Variants in DOCK1 observed in about 807,000 individuals in gnomAD.
DOCK1 encodes the protein dedicator of cytokinesis 1.
In DOCK1, 138 loss-of-function variants were observed where a neutral mutation model predicts 262.7. The observed-to-expected ratio is 0.53, with a 90% CI of 0.46 to 0.61. The LOEUF (loss-of-function observed/expected upper bound fraction) is 0.61. DOCK1 is among the 20% of genes least tolerant of loss of function. The probability of loss-of-function intolerance (pLI) is 0.00; values close to 1 mark genes in which losing one functional copy is unlikely to be tolerated. For missense variants in DOCK1, 1,908 were observed against 2,370.7 expected, an observed-to-expected ratio of 0.80 and a Z score of 4.05; for synonymous variants, 866 against 867.4, an observed-to-expected ratio of 1.00 and a Z score of 0.03.
rs1279908459 is a variant in DOCK1, at chr10:127,444,126, A to G, written c.5260A>G (p.Ile1754Val). ...TGCTCTTTCTGTCCTTTTGATGTAG[A>G]TAAGTCCCCTGCGGCCCCAGAGACC... Reference protein sequence around the residue: ...QSEAVILSETISPLRPQRPKS... With the variant: ...QSEAVILSETVSPLRPQRPKS... Residue 1754 changes from isoleucine to valine, a missense_variant and splice_region_variant, in exon 50 of 52, where the codon ATA (isoleucine) becomes GTA (valine). Around this residue, in one of 9 missense-constraint regions of DOCK1, gnomAD observed 383 missense variants for 420.1 expected, o/e 0.91. Transcript: ENST00000623213. 3.9e-6 allele frequency: 6 copies of G among 1,556,832 alleles called. No homozygotes were observed. Among genetic ancestry groups the G allele is most frequent in the East Asian group, 4.9e-5 (2 of 41,022 alleles).
At chr10:127,059,184 T>G (rs576934684) in intron 22 of DOCK1, among the ~76,000 whole-genome samples, 1 of 152,342 alleles carries the variant, frequency 6.6e-6, no homozygotes, top group East Asian at 1.9e-4. Context: ...AGACTTACTG[T>G]TACATCTTTG....
chr10:127,146,007 G>A (rs1349427940), intron 27 of DOCK1: 1 of 517,630 alleles, frequency 1.9e-6, no homozygotes, highest in Non-Finnish European at 3.9e-6. Context: ...GAATTCCCTA[G>A]TCACTCTATT....
intron 29 of DOCK1, among the ~76,000 whole-genome samples, chr10:127,263,421 C>G (rs192227872): frequency 9.2e-5 from 14 of 152,350 alleles, no homozygotes; most frequent in Admixed American, 7.2e-4. Flanking sequence ...AATGACTATC[C>G]CAAAGTACGG....
chr10:127,392,376 G>T (rs895812589), intron 38 of DOCK1, among the ~76,000 whole-genome samples: 1 of 152,160 alleles, frequency 6.6e-6, no homozygotes, highest in Non-Finnish European at 1.5e-5. Context: ...GGCAGTGGCT[G>T]TGGCTGCCAC....
chr10:127,116,028 A>G (rs985098617), intron 25 of DOCK1, among the ~76,000 whole-genome samples: 1 of 152,214 alleles, frequency 6.6e-6, no homozygotes, highest in African/African-American at 2.4e-5. Flanking sequence ...TTTTAGTGGT[A>G]AGGCTACCCC....
At chr10:126,953,952 C>G (rs1235757746) in intron 1 of DOCK1, among the ~76,000 whole-genome samples, 1 of 152,144 alleles carries the variant, frequency 6.6e-6, no homozygotes, top group Non-Finnish European at 1.5e-5. Context: ...TTTAAAACTT[C>G]CGAGTGGTCC....
chr10:127,011,517 CTGTGCTACA>C (rs1250796378), intron 11 of DOCK1, among the ~76,000 whole-genome samples: 2 of 152,222 alleles, frequency 1.3e-5, no homozygotes, highest in Admixed American at 1.3e-4. Context: ...GTGCACTTCG[CTGTGCTACA>C]TGGTATTTCT....
chr10:127,319,286 C>G (rs1042822258), intron 29 of DOCK1, among the ~76,000 whole-genome samples: 14 of 152,102 alleles, frequency 9.2e-5, no homozygotes, highest in African/African-American at 2.2e-4. Context: ...ATTTCCGTAG[C>G]AGGGGAACTA....
Position 127,012,424 on chromosome 10 carries a change from G to C in DOCK1, c.1201+50G>C. On this transcript the variant is annotated intron_variant, in intron 12 of 51. Coordinates refer to ENST00000623213, the MANE Select transcript of DOCK1 (RefSeq NM_001290223.2). The surrounding 1 kb of genome is among the most constrained non-coding windows in gnomAD (Gnocchi z 4.0). ...TATCAGCGTGTATTTGCATGCGTTGGGGCAGTGCTGTCTGGGTTGGTTTTA... is the reference window on the plus strand; with the variant it reads ...TATCAGCGTGTATTTGCATGCGTTGCGGCAGTGCTGTCTGGGTTGGTTTTA... The C allele has an allele frequency of 6.4e-7, 1 of 1,563,698 alleles. No individual in the cohort carries two copies. The highest frequency in any genetic ancestry group is 8.8e-7 in the Non-Finnish European group (1 of 1,136,492).
At chr10:127,010,096 T>C (rs1241204934) in intron 11 of DOCK1, among the ~76,000 whole-genome samples, 1 of 149,628 alleles carries the variant, frequency 6.7e-6, no homozygotes, top group African/African-American at 2.4e-5. Flanking sequence ...GAGGCAAAGG[T>C]CTCTTTGTGG....
intron 1 of DOCK1, among the ~76,000 whole-genome samples, chr10:126,958,364 G>A (rs976783670): frequency 4.6e-5 from 7 of 152,180 alleles, no homozygotes; most frequent in African/African-American, 9.6e-5. Context: ...CTTTGGCTCC[G>A]TAATTTTAAA....
chr10:126,957,643 T>C (rs1037230428), intron 1 of DOCK1, among the ~76,000 whole-genome samples: 12 of 152,168 alleles, frequency 7.9e-5, no homozygotes, highest in Admixed American at 3.9e-4. Context: ...CCATCATGCC[T>C]AGCTAATATA....
intron 27 of DOCK1, among the ~76,000 whole-genome samples, chr10:127,147,313 T>C (rs1206890296): frequency 1.3e-5 from 2 of 152,150 alleles, no homozygotes; most frequent in African/African-American, 4.8e-5. Context: ...GTCCTCCTAG[T>C]TCCTGCCAGT....
intron 45 of DOCK1, 62 bp from the exon 46 acceptor site, chr10:127,419,604 A>G: frequency 1.4e-6 from 2 of 1,430,794 alleles, no homozygotes; most frequent in Non-Finnish European, 9.7e-7. Flanking sequence ...GCACACAGTA[A>G]GTGTGCAAAA....
chr10:127,409,013 T>C (rs771854204), intron 40 of DOCK1, 24 bp from the exon 41 acceptor site: 11 of 1,566,770 alleles, frequency 7.0e-6, no homozygotes, highest in South Asian at 3.5e-5. Context: ...TGTGGTGTTA[T>C]GAAATGAATG....
chr10:127,399,326 A>G (rs1365730705), intron 38 of DOCK1, among the ~76,000 whole-genome samples: 2 of 152,160 alleles, frequency 1.3e-5, no homozygotes, highest in Non-Finnish European at 2.9e-5. Context: ...GATAATCTAA[A>G]TCTAGATCAT....
At chr10:126,994,913 C>A (rs1456753480) in intron 6 of DOCK1, among the ~76,000 whole-genome samples, 1 of 152,126 alleles carries the variant, frequency 6.6e-6, no homozygotes, top group Admixed American at 6.5e-5. Context: ...AGGCGCCCCC[C>A]ACCTCCCGAA....
intron 27 of DOCK1, among the ~76,000 whole-genome samples, chr10:127,165,552 G>A (rs1328430121): frequency 2.0e-5 from 3 of 152,122 alleles, no homozygotes. Flanking sequence ...TTTCATGAAT[G>A]TTCTTTCCAG....
intron 43 of DOCK1, among the ~76,000 whole-genome samples, chr10:127,412,260 C>A (rs1590947813): frequency 6.6e-6 from 1 of 152,112 alleles, no homozygotes; most frequent in Admixed American, 6.5e-5. Flanking sequence ...CCGCGCCTGG[C>A]CCTAGAGCCT....
Sources: allele counts gnomAD v4.1 joint callset (sites outside exome capture counted in the v4.1 genomes callset), GRCh38; gene constraint gnomAD v4.1.1; regional missense constraint gnomAD v4.1.1; non-coding constraint Gnocchi (gnomAD v3.1); transcripts MANE v1.5; gene names NCBI Gene and HGNC (gene_info 2026-07-23, HGNC 2026-07-21).